The following ANKS1B variants were observed in gnomAD, a reference collection of about 807,000 sequenced individuals.
ANKS1B encodes the protein ankyrin repeat and sterile alpha motif domain-containing protein 1B.
ANKS1B carries 36 observed loss-of-function variants against 148.3 expected under a neutral mutation model. That is an observed-to-expected ratio of 0.24 (90% CI 0.19 to 0.32). The LOEUF (loss-of-function observed/expected upper bound fraction) is 0.32, where lower values mean the gene tolerates loss of function less well. Ranked by LOEUF, ANKS1B falls within the 10% of genes least tolerant of loss-of-function variation. The pLI is 1.00. For synonymous variants in ANKS1B, 542 were observed against 560.8 expected (o/e 0.97, Z 0.47); for missense variants, 1,157 against 1,542.6 (o/e 0.75, Z 4.19).
intron 1 of ANKS1B, among the ~76,000 whole-genome samples, chr12:99,925,555 T>C (rs2094460913): frequency 6.6e-6 from 1 of 152,160 alleles, no homozygotes; most frequent in South Asian, 2.1e-4. Context: ...GTGTGATAGT[T>C]ATCAATGTAT....
chr12:99,658,273 T>C (rs1293842126), intron 8 of ANKS1B, among the ~76,000 whole-genome samples: 1 of 152,158 alleles, frequency 6.6e-6, no homozygotes, highest in Non-Finnish European at 1.5e-5. Flanking sequence ...TCTTGCCTTA[T>C]CTATGCAATG....
intron 12 of ANKS1B, among the ~76,000 whole-genome samples, chr12:99,289,598 G>T (rs1458491418): frequency 1.3e-5 from 2 of 151,862 alleles, no homozygotes; most frequent in East Asian, 3.8e-4. Context: ...AATGAAACTA[G>T]AAATCAATAA....
At chr12:98,869,950 C>T (rs2099644832) in intron 17 of ANKS1B, among the ~76,000 whole-genome samples, 1 of 152,126 alleles carries the variant, frequency 6.6e-6, no homozygotes, top group Non-Finnish European at 1.5e-5. Flanking sequence ...GTCCTGAAAA[C>T]CAGAAAGTAG....
At chr12:99,967,332 A>G (rs538366271) in intron 1 of ANKS1B, among the ~76,000 whole-genome samples, 10 of 152,318 alleles carry the variant, frequency 6.6e-5, no homozygotes, top group South Asian at 2.1e-4. Context: ...ACTGAAGCCC[A>G]AAGAAGTTAA....
intron 11 of ANKS1B, among the ~76,000 whole-genome samples, chr12:99,415,154 T>G (rs558499593): frequency 6.6e-6 from 1 of 152,186 alleles, no homozygotes; most frequent in Non-Finnish European, 1.5e-5. Context: ...TTTGTCCTCA[T>G]AGAAGCTTTC....
intron 1 of ANKS1B, among the ~76,000 whole-genome samples, chr12:99,940,886 T>C (rs2094902474): frequency 6.6e-6 from 1 of 152,102 alleles, no homozygotes; most frequent in African/African-American, 2.4e-5. Context: ...AAGTTAGATT[T>C]TAAAAGATAG....
chr12:99,862,333 AG>A (rs1210527503), intron 1 of ANKS1B, among the ~76,000 whole-genome samples: 10 of 152,246 alleles, frequency 6.6e-5, no homozygotes, highest in Non-Finnish European at 1.0e-4. Context: ...AAAACATCAA[AG>A]GCTTTTCAAT....
chr12:99,624,895 G>A (rs909217086), intron 9 of ANKS1B, among the ~76,000 whole-genome samples: 11 of 152,040 alleles, frequency 7.2e-5, no homozygotes, highest in Admixed American at 1.3e-4. Flanking sequence ...CCATTATTGG[G>A]TATATACCAA....
At chr12:98,795,352 T>C (rs2098938274) in intron 22 of ANKS1B, among the ~76,000 whole-genome samples, 1 of 152,234 alleles carries the variant, frequency 6.6e-6, no homozygotes, top group South Asian at 2.1e-4. Flanking sequence ...AGCCTAATTA[T>C]GCTGGACTGT....
intron 14 of ANKS1B, among the ~76,000 whole-genome samples, chr12:99,227,172 C>T (rs1277238920): frequency 6.6e-6 from 1 of 152,014 alleles, no homozygotes; most frequent in African/African-American, 2.4e-5. Flanking sequence ...TTACCATCAT[C>T]CCCTTGGTGC....
intron 17 of ANKS1B, among the ~76,000 whole-genome samples, chr12:98,979,748 C>T (rs1006275968): frequency 3.3e-5 from 5 of 151,224 alleles, no homozygotes; most frequent in African/African-American, 1.2e-4. Context: ...TATGTGTGTG[C>T]GTGCGCTTAT....
intron 8 of ANKS1B, among the ~76,000 whole-genome samples, chr12:99,761,737 G>A (rs1189225167): frequency 6.6e-6 from 1 of 151,720 alleles, no homozygotes. Flanking sequence ...GCATCCAAAT[G>A]GAAAACAAAA....
At chr12:98,741,389 C>T (rs554352891), downstream of ANKS1B, among the ~76,000 whole-genome samples, 4 of 152,330 alleles carry the variant, frequency 2.6e-5, no homozygotes, top group African/African-American at 9.6e-5. Context: ...CCACACCCAG[C>T]CCACAGATGA....
intron 17 of ANKS1B, among the ~76,000 whole-genome samples, chr12:98,941,990 C>T (rs2099837517): frequency 6.6e-6 from 1 of 152,110 alleles, no homozygotes; most frequent in Admixed American, 6.5e-5. Flanking sequence ...CGCCTGTAAT[C>T]CCAGAACTTT....
At chr12:99,470,842 C>T (rs775971984) in intron 10 of ANKS1B, among the ~76,000 whole-genome samples, 5 of 152,206 alleles carry the variant, frequency 3.3e-5, no homozygotes, top group Middle Eastern at 3.4e-3. Context: ...GGAACCCATA[C>T]TTTGGTTACC....
chr12:99,727,933 C>T (rs1046260853), intron 8 of ANKS1B, among the ~76,000 whole-genome samples: 4 of 152,098 alleles, frequency 2.6e-5, no homozygotes, highest in Non-Finnish European at 5.9e-5. Flanking sequence ...AACTGGCTAG[C>T]CATATGCAGA....
At chr12:99,556,205 C>T (rs142978976) in intron 9 of ANKS1B, among the ~76,000 whole-genome samples, 3 of 152,106 alleles carry the variant, frequency 2.0e-5, no homozygotes, top group Non-Finnish European at 2.9e-5. Flanking sequence ...CAGGTGTTCT[C>T]GATTGTGTAT....
chr12:99,057,653 G>T (rs2040700538), intron 16 of ANKS1B, among the ~76,000 whole-genome samples: 1 of 152,136 alleles, frequency 6.6e-6, no homozygotes, highest in Admixed American at 6.6e-5. Flanking sequence ...TTTGCCAAGG[G>T]ATCAACATTA....
chr12:99,717,470 G>A (rs976538111), intron 8 of ANKS1B, among the ~76,000 whole-genome samples: 13 of 152,208 alleles, frequency 8.5e-5, no homozygotes, highest in African/African-American at 3.1e-4. Context: ...ACAAGTGCCA[G>A]AAATCTGGCC....
Sources: gnomAD v4.1 joint callset for allele counts (sites outside exome capture counted in the v4.1 genomes callset) on GRCh38, gnomAD v4.1.1 for gene constraint, MANE v1.5 for transcripts, NCBI Gene and HGNC (gene_info 2026-07-23, HGNC 2026-07-21) for gene names.